The following MYC variants were observed in gnomAD, a reference collection of about 807,000 sequenced individuals.
MYC encodes the protein myc proto-oncogene protein.
In MYC, 1 loss-of-function variant was observed where a neutral mutation model predicts 30.5. That is an observed-to-expected ratio of 0.03 (90% CI 0.01 to 0.16). MYC has a LOEUF of 0.16. Among genes scored for constraint, MYC ranks in the 10% least tolerant of loss-of-function variants. The probability of loss-of-function intolerance (pLI) is 1.00; values close to 1 mark genes in which losing one functional copy is unlikely to be tolerated. For synonymous variants in MYC, 267 were observed against 250.7 expected (o/e 1.07, Z -0.62); for missense variants, 508 against 589.0 (o/e 0.86, Z 1.42).
rs550161040 is a variant in MYC at position 127,736,860 on chromosome 8, A to AC, written c.30+238dup. 2.7e-3 allele frequency among the ~76,000 whole-genome samples: 412 copies of AC among 152,140 alleles called. 2 individuals are homozygous for AC. Among genetic ancestry groups the AC allele is most frequent in the African/African-American group, 9.7e-3 (404 of 41,500 alleles). On this transcript the variant is annotated intron_variant, in intron 1 of 2. Coordinates refer to ENST00000621592, the MANE Select transcript of MYC (RefSeq NM_002467.6). ...AGGGAAAACGGGAATGGTTTTTAAG[A>AC]CTACCCTTTCGAGATTTCTGCCTTA...
In MYC at chr8:127,738,812, G is replaced by A. The variant is rs2130096730; in HGVS notation, c.595G>A (p.Ala199Thr). 3 of 1,608,716 alleles carry A rather than the reference G, an allele frequency of 1.9e-6. No homozygotes were observed. The highest frequency in any genetic ancestry group is 2.2e-5 in the East Asian group (1 of 44,766). ...CTTGTACCTGCAGGATCTGAGCGCC[G>A]CCGCCTCAGAGTGCATCGACCCCTC... The change falls in exon 2 of 3, where the codon GCC (alanine) becomes ACC (threonine). Residue 199 changes from alanine to threonine, a missense_variant. This residue lies in a region of MYC where 364 missense variants were observed against 381.1 expected (regional missense o/e 0.96). Transcript: ENST00000621592. This position sits in a 1 kb window ranked among gnomAD's most constrained non-coding sequence, Gnocchi z 7.6.
At position 127,736,424 on chromosome 8, in the gene MYC, C is replaced by T; in HGVS notation, c.-170C>T. The T allele has an allele frequency of 2.9e-6, 2 of 693,456 alleles. No homozygotes were observed. The highest frequency in any genetic ancestry group is 3.7e-5 in the South Asian group (2 of 54,422). 43.0% of individuals were successfully genotyped at this position (693,456 alleles called of 1,614,324 possible). A position where few individuals can be genotyped will look rare whatever the true frequency, so the allele number is the denominator to read the frequency against. ...CGGTCCGCAACCCTTGCCGCATCCACGAAACTTTGCCCATAGCAGCGGGCG... is the reference window on the plus strand; with the variant it reads ...CGGTCCGCAACCCTTGCCGCATCCATGAAACTTTGCCCATAGCAGCGGGCG... On this transcript the variant is annotated 5_prime_UTR_variant, in exon 1 of 3. The change creates a new upstream start codon in the 5' untranslated region. Transcript: ENST00000621592.
At chr8:127,739,068 T>A in intron 2 of MYC, 49 bp downstream of exon 2, 1 of 1,429,826 alleles carries the variant, frequency 7.0e-7, no homozygotes, top group South Asian at 1.5e-5. Context: ...CTGGATACCT[T>A]TCCCATTTTC....
chr8:127,738,881 T>A lies in MYC; in HGVS notation c.664T>A (p.Ser222Thr), dbSNP rs777695894. The A allele has an allele frequency of 6.2e-7, 1 of 1,612,160 alleles. No individual in the cohort carries two copies. The highest frequency in any genetic ancestry group is 8.5e-7 in the Non-Finnish European group (1 of 1,180,004). ...TCTCAACGACAGCAGCTCGCCCAAG[T>A]CCTGCGCCTCGCAAGACTCCAGCGC... The change falls in exon 2 of 3, where the codon TCC becomes ACC. Residue 222 changes from serine (S) to threonine (T), a missense_variant. Around this residue, in one of 5 missense-constraint regions of MYC, gnomAD observed 364 missense variants for 381.1 expected, o/e 0.96. Transcript: ENST00000621592. This position sits in a 1 kb window ranked among gnomAD's most constrained non-coding sequence, Gnocchi z 7.6.
At position 127,740,965 on chromosome 8, in the gene MYC, G is replaced by C. The variant is rs2130108353; in HGVS notation, c.*7G>C. The C allele has an allele frequency of 6.5e-7, 1 of 1,540,082 alleles. No individual in the cohort carries two copies. Among genetic ancestry groups the C allele is most frequent in the Non-Finnish European group, 8.7e-7 (1 of 1,148,804 alleles). On this transcript the variant is annotated 3_prime_UTR_variant, in exon 3 of 3. Coordinates refer to ENST00000621592, the MANE Select transcript of MYC (RefSeq NM_002467.6). ...ACGGAACTCTTGTGCGTAAGGAAAA[G>C]TAAGGAAAACGATTCCTTCTAACAG...
At chr8:127,735,761 G>A (rs1340790787), upstream of MYC, 1 of 399,084 alleles carries the variant, frequency 2.5e-6, no homozygotes, top group Non-Finnish European at 4.4e-6. Flanking sequence ...GGACAAGGAT[G>A]CGGTTTGTCA....
At chr8:127,735,637 C>T (rs949192094), upstream of MYC, 7 of 399,070 alleles carry the variant, frequency 1.8e-5, no homozygotes, top group African/African-American at 1.2e-4. Context: ...CGGCCCTTTC[C>T]CCAGCCTTAG....
chr8:127,740,332 T>C, intron 2 of MYC, 64 bp from the exon 3 acceptor site: 2 of 1,476,116 alleles, frequency 1.4e-6, no homozygotes, highest in East Asian at 2.3e-5. Context: ...ACAGCATTAA[T>C]CTGGTAATTG....
upstream of MYC, chr8:127,736,062 G>T (rs890065579): frequency 3.5e-5 from 14 of 403,562 alleles, no homozygotes; most frequent in Admixed American, 1.7e-4. Context: ...GGGTCTGGAC[G>T]GCTGAGGACC....
chr8:127,740,597 C>T lies in MYC; in HGVS notation c.1004C>T (p.Pro335Leu), dbSNP rs1177628089. 1.9e-6 allele frequency: 3 copies of T among 1,613,956 alleles called. No individual in the cohort carries two copies. The highest frequency in any genetic ancestry group is 2.2e-5 in the East Asian group (1 of 44,870). Residue 335 changes from proline to leucine, a missense_variant, in exon 3 of 3, where the codon CCT becomes CTT. Physicochemically the swap from Pro to Leu is moderately conservative, Grantham distance 98 (BLOSUM62 -3). Coordinates refer to ENST00000621592, the MANE Select transcript of MYC (RefSeq NM_002467.6). ...CCTCCCTCCACTCGGAAGGACTATC[C>T]TGCTGCCAAGAGGGTCAAGTTGGAC...
chr8:127,736,899 G>A (rs1196723950), intron 1 of MYC, among the ~76,000 whole-genome samples: 1 of 152,152 alleles, frequency 6.6e-6, no homozygotes, highest in Non-Finnish European at 1.5e-5. Context: ...ATATATTCAC[G>A]CTGACTCCCG....
chr8:127,740,200 A>T (rs1050981491), intron 2 of MYC, among the ~76,000 whole-genome samples, 196 bp from the exon 3 acceptor site: 5 of 151,928 alleles, frequency 3.3e-5, no homozygotes, highest in Non-Finnish European at 5.9e-5. Context: ...CGATCCGCCC[A>T]CCTCGGCCTC....
chr8:127,739,033 G>C lies in MYC; in HGVS notation c.802+14G>C, dbSNP rs748302238. The C allele has an allele frequency of 2.7e-6, 4 of 1,480,354 alleles. No homozygotes were observed. Among genetic ancestry groups the C allele is most frequent in the Non-Finnish European group, 3.6e-6 (4 of 1,122,710 alleles). The allele number at this position is 1,480,354 out of a possible 1,614,324, so 91.7% of individuals were successfully genotyped here. On this transcript the variant is annotated intron_variant, in intron 2 of 2. Transcript: ENST00000621592. ...GCAGCGACTCTGGTAAGCGAAGCCC[G>C]CCCAGGCCTGTCAAAAGTGGGCGGC...
intron 1 of MYC, among the ~76,000 whole-genome samples, chr8:127,737,414 A>G (rs914011567): frequency 6.6e-6 from 1 of 151,988 alleles, no homozygotes; most frequent in Non-Finnish European, 1.5e-5. Flanking sequence ...CTCGCGCCCG[A>G]GATGCGGAGG....
intron 1 of MYC, among the ~76,000 whole-genome samples, chr8:127,737,635 G>A (rs1813617547): frequency 6.8e-6 from 1 of 147,914 alleles, no homozygotes; most frequent in South Asian, 2.2e-4. Context: ...CAGCCGGCGA[G>A]AGAAAGAAGA....
rs2130102017 is a variant in MYC, at chr8:127,740,409, A to T, written c.816A>T (p.Glu272Asp). 6.2e-7 allele frequency: 1 copy of T among 1,613,450 alleles called. No homozygotes were observed. Among genetic ancestry groups the T allele is most frequent in the Non-Finnish European group, 8.5e-7 (1 of 1,179,458 alleles). ...CCTTTCTTAAAGAGGAGGAACAAGA[A>T]GATGAGGAAGAAATCGATGTTGTTT... is the stretch of plus-strand genomic sequence containing the variant. Residue 272 changes from glutamate (E) to aspartate (D), a missense_variant, in exon 3 of 3, where the codon GAA (glutamate) becomes GAT (aspartate). Coordinates refer to ENST00000621592, the MANE Select transcript of MYC (RefSeq NM_002467.6).
chr8:127,741,092 G>A lies in MYC; in HGVS notation c.*134G>A. On this transcript the variant is annotated 3_prime_UTR_variant, in exon 3 of 3. Transcript: ENST00000621592. The stretch of plus-strand genomic sequence containing the variant: ...TGAGACTGAAAGATTTAGCCATAAT[G>A]TAAACTGCCTCAAATTGGACTTTGG... 1.3e-6 allele frequency: 1 copy of A among 767,638 alleles called. No individual in the cohort carries two copies. Among genetic ancestry groups the A allele is most frequent in the Admixed American group, 3.7e-5 (1 of 27,300 alleles). 47.6% of individuals were successfully genotyped at this position (767,638 alleles called of 1,614,324 possible). A position where few individuals can be genotyped will look rare whatever the true frequency, so the allele number is the denominator to read the frequency against.
intron 1 of MYC, among the ~76,000 whole-genome samples, chr8:127,736,996 C>T (rs1176499760): frequency 1.3e-5 from 2 of 152,270 alleles, no homozygotes; most frequent in Non-Finnish European, 2.9e-5. Context: ...CAGAAAGCCC[C>T]TTGCATCCTG....
chr8:127,736,433 G>T lies in MYC; in HGVS notation c.-161G>T. ...ACCCTTGCCGCATCCACGAAACTTT[G>T]CCCATAGCAGCGGGCGGGCACTTTG... On this transcript the variant is annotated 5_prime_UTR_variant, in exon 1 of 3. Transcript: ENST00000621592. The T allele has an allele frequency of 1.4e-6, 1 of 721,462 alleles. No individual in the cohort carries two copies. Among genetic ancestry groups the T allele is most frequent in the Non-Finnish European group, 2.3e-6 (1 of 434,362 alleles). 44.7% of individuals were successfully genotyped at this position (721,462 alleles called of 1,614,324 possible).
Sources: gnomAD v4.1 joint callset for allele counts (sites outside exome capture counted in the v4.1 genomes callset) on GRCh38, gnomAD v4.1.1 for gene constraint, gnomAD v4.1.1 regional missense constraint, Gnocchi (gnomAD v3.1) non-coding constraint, MANE v1.5 for transcripts, NCBI Gene and HGNC (gene_info 2026-07-23, HGNC 2026-07-21) for gene names.